Variants in NCKAP5 observed in about 807,000 individuals in gnomAD.
The protein encoded by NCKAP5 is NCK associated protein 5, also known as nck-associated protein 5.
In NCKAP5, 92 loss-of-function variants were observed where a neutral mutation model predicts 167.0. The ratio of observed to expected loss-of-function variants is 0.55; its 90% confidence interval spans 0.47 to 0.66. The LOEUF is 0.66. Among genes scored for constraint, NCKAP5 ranks in the 30% least tolerant of loss-of-function variants. NCKAP5 has a pLI of 0.00. For synonymous variants in NCKAP5, 891 were observed against 877.4 expected, an observed-to-expected ratio of 1.02 and a Z score of -0.27; for missense variants, 2,378 against 2,315.0, an observed-to-expected ratio of 1.03 and a Z score of -0.56.
At chr2:133,337,552 G>A (rs977827872) in intron 3 of NCKAP5, among the ~76,000 whole-genome samples, 1 of 152,176 alleles carries the variant, frequency 6.6e-6, no homozygotes, top group Non-Finnish European at 1.5e-5. Context: ...TTCAAATAGG[G>A]TGGTTAGGGT....
At chr2:133,420,374 C>T (rs943594184) in intron 3 of NCKAP5, among the ~76,000 whole-genome samples, 3 of 152,188 alleles carry the variant, frequency 2.0e-5, no homozygotes, top group South Asian at 2.1e-4. Context: ...ACATATTGTA[C>T]AATCCATTTA....
At chr2:133,115,314 A>T (rs1559153341) in intron 6 of NCKAP5, among the ~76,000 whole-genome samples, 1 of 152,150 alleles carries the variant, frequency 6.6e-6, no homozygotes, top group African/African-American at 2.4e-5. Context: ...CAAAAACAAT[A>T]CTACCTCTAA....
chr2:132,691,219 A>G (rs1253043502), intron 19 of NCKAP5, among the ~76,000 whole-genome samples: 1 of 152,194 alleles, frequency 6.6e-6, no homozygotes, highest in East Asian at 1.9e-4. Flanking sequence ...TAGTTTCCCA[A>G]CTGTGCTTCC....
intron 6 of NCKAP5, among the ~76,000 whole-genome samples, chr2:133,105,025 C>A (rs774291214): frequency 6.6e-6 from 1 of 152,214 alleles, no homozygotes; most frequent in Non-Finnish European, 1.5e-5. Flanking sequence ...CAGGCCTCCT[C>A]CTTTGGGGTA....
chr2:132,743,226 A>C (rs749995100), intron 16 of NCKAP5, among the ~76,000 whole-genome samples: 24 of 151,886 alleles, frequency 1.6e-4, no homozygotes, highest in African/African-American at 5.3e-4. Context: ...CATAGATGGA[A>C]TACAAACATA....
At chr2:133,045,310 T>C (rs554575166) in intron 6 of NCKAP5, among the ~76,000 whole-genome samples, 1 of 152,126 alleles carries the variant, frequency 6.6e-6, no homozygotes, top group African/African-American at 2.4e-5. Context: ...TGATGTTTTA[T>C]AAATGAAAAA....
chr2:133,173,524 C>T (rs1169687454), intron 5 of NCKAP5, among the ~76,000 whole-genome samples: 1 of 152,172 alleles, frequency 6.6e-6, no homozygotes, highest in African/African-American at 2.4e-5. Context: ...GTGATGATGT[C>T]TGATCACCCT....
intron 2 of NCKAP5, among the ~76,000 whole-genome samples, chr2:133,531,885 T>C (rs1298632504): frequency 6.6e-6 from 1 of 152,234 alleles, no homozygotes; most frequent in East Asian, 1.9e-4. Context: ...GCTTTAATCT[T>C]TCCTCTCTTT....
chr2:133,556,464 G>A (rs552065647), intron 2 of NCKAP5, among the ~76,000 whole-genome samples: 5 of 152,184 alleles, frequency 3.3e-5, no homozygotes, highest in African/African-American at 1.2e-4. Flanking sequence ...AACGCCCCAC[G>A]TGGGATTAAC....
At chr2:133,017,353 A>T (rs1291460054) in intron 6 of NCKAP5, among the ~76,000 whole-genome samples, 1 of 152,238 alleles carries the variant, frequency 6.6e-6, no homozygotes, top group Non-Finnish European at 1.5e-5. Context: ...AATTCTTAAA[A>T]CAAAGCAGGG....
At chr2:133,353,704 C>T (rs1476639105) in intron 3 of NCKAP5, among the ~76,000 whole-genome samples, 2 of 152,120 alleles carry the variant, frequency 1.3e-5, no homozygotes, top group African/African-American at 2.4e-5. Context: ...TGGAATGAGA[C>T]AGCAAAGAAA....
intron 19 of NCKAP5, among the ~76,000 whole-genome samples, chr2:132,724,526 A>T (rs1305660594): frequency 6.6e-6 from 1 of 152,062 alleles, no homozygotes; most frequent in Admixed American, 6.6e-5. Flanking sequence ...AACAGCATGG[A>T]TTAGGAGCCG....
Position 132,988,931 on chromosome 2 carries a change from T to A in NCKAP5, c.429+5221A>T, listed in dbSNP as rs187771121. Among the ~76,000 whole-genome samples, 99 of 152,334 alleles carry A rather than the reference T, an allele frequency of 6.5e-4. 1 individual carries two copies. The highest frequency in any genetic ancestry group is 2.9e-5 in the Non-Finnish European group (2 of 68,028). On this transcript the variant is annotated intron_variant, in intron 7 of 19. Coordinates refer to ENST00000409261, the MANE Select transcript of NCKAP5 (RefSeq NM_207363.3). ...AGAACCCAGAGACTTTAAGTGACCA[T>A]CTGAGGCCATAAGTCTTGGTAGTCG...
chr2:132,777,246 A>G (rs1196702983), intron 15 of NCKAP5, among the ~76,000 whole-genome samples: 1 of 152,226 alleles, frequency 6.6e-6, no homozygotes, highest in African/African-American at 2.4e-5. Context: ...ACAGGCAACA[A>G]TTAAATATCA....
intron 9 of NCKAP5, among the ~76,000 whole-genome samples, chr2:132,878,386 T>C (rs968909465): frequency 1.4e-4 from 22 of 152,136 alleles, no homozygotes; most frequent in Non-Finnish European, 2.5e-4. Flanking sequence ...TTGCCAACTG[T>C]GAACATCATC....
At chr2:132,790,491 A>C (rs1429781515) in intron 12 of NCKAP5, among the ~76,000 whole-genome samples, 1 of 152,156 alleles carries the variant, frequency 6.6e-6, no homozygotes, top group Non-Finnish European at 1.5e-5. Context: ...ATCTCATGTA[A>C]TTTATTGAAT....
chr2:133,521,338 T>C (rs939023906), intron 2 of NCKAP5, among the ~76,000 whole-genome samples: 5 of 152,266 alleles, frequency 3.3e-5, no homozygotes, highest in African/African-American at 1.2e-4. Context: ...AAGAAGAATG[T>C]GCTGACCAGC....
rs899972335 is a variant in NCKAP5, at chr2:132,672,025, T to C, written c.*1264A>G. On this transcript the variant is annotated 3_prime_UTR_variant, in exon 20 of 20. Coordinates refer to ENST00000409261, the MANE Select transcript of NCKAP5 (RefSeq NM_207363.3). Reference sequence around the variant, plus strand: ...ATTGGGCCTAGTTTACAAGCTCCTGTACATAAGTAATTATAAATAGTTCAC... The same window carrying C: ...ATTGGGCCTAGTTTACAAGCTCCTGCACATAAGTAATTATAAATAGTTCAC... 5 of 152,652 alleles carry C rather than the reference T, an allele frequency of 3.3e-5. No individual in the cohort carries two copies. 9.5% of individuals were successfully genotyped at this position (152,652 alleles called of 1,614,324 possible). A position where few individuals can be genotyped will look rare whatever the true frequency, so the allele number is the denominator to read the frequency against.
Position 132,860,532 on chromosome 2 carries a change from A to T in NCKAP5, c.767T>A (p.Phe256Tyr). The change falls in exon 11 of 20, where the codon TTC becomes TAC. Residue 256 changes from phenylalanine to tyrosine, a missense_variant. Physicochemically the swap from Phe to Tyr is conservative, Grantham distance 22. Transcript: ENST00000409261. ...EQQNRTLSIL[F>Y]QQRVRPTSDL... ...AGAAGTGGGTCTGACTCGCTGTTGGAATAGGATGCTTAGTGTTCGATTCTG... is the reference window on the plus strand; with the variant it reads ...AGAAGTGGGTCTGACTCGCTGTTGGTATAGGATGCTTAGTGTTCGATTCTG... 6.3e-7 allele frequency: 1 copy of T among 1,587,374 alleles called. No homozygotes were observed. The highest frequency in any genetic ancestry group is 8.6e-7 in the Non-Finnish European group (1 of 1,164,878).
Sources: allele counts gnomAD v4.1 joint callset (sites outside exome capture counted in the v4.1 genomes callset), GRCh38; gene constraint gnomAD v4.1.1; transcripts MANE v1.5; gene names NCBI Gene and HGNC (gene_info 2026-07-23, HGNC 2026-07-21).